CTNNA3: variants seen among roughly 807,000 people sequenced by gnomAD.
CTNNA3 encodes catenin alpha 3.
In CTNNA3, 76 loss-of-function variants were observed where a neutral mutation model predicts 95.7. The ratio of observed to expected loss-of-function variants is 0.79; its 90% CI spans 0.66 to 0.96. CTNNA3 has a LOEUF of 0.96. Ranked by LOEUF, CTNNA3 falls within the 40% of genes least tolerant of loss-of-function variation. The probability of loss-of-function intolerance (pLI) is 0.00; values close to 1 mark genes in which losing one functional copy is unlikely to be tolerated. For synonymous variants in CTNNA3, 431 were observed against 374.4 expected (o/e 1.15, Z -1.74); for missense variants, 1,191 against 1,089.8 (o/e 1.09, Z -1.31).
At chr10:66,600,371 C>T (rs531427333) in intron 10 of CTNNA3, among the ~76,000 whole-genome samples, 35 of 151,826 alleles carry the variant, frequency 2.3e-4, no homozygotes, top group Non-Finnish European at 3.7e-4. Context: ...CACTCATGTG[C>T]GTGTTCAAGG....
intron 12 of CTNNA3, among the ~76,000 whole-genome samples, chr10:66,287,671 GA>G (rs2091612914): frequency 6.6e-6 from 1 of 151,924 alleles, no homozygotes; most frequent in African/African-American, 2.4e-5. Flanking sequence ...GATACCAAAG[GA>G]AAAAACATAA....
intron 11 of CTNNA3, among the ~76,000 whole-genome samples, chr10:66,459,445 C>A (rs1224620208): frequency 2.0e-5 from 3 of 152,158 alleles, no homozygotes; most frequent in African/African-American, 7.2e-5. Context: ...AGATAGTAAT[C>A]TATGATGCTT....
chr10:66,297,302 C>T (rs1276969168), intron 12 of CTNNA3, among the ~76,000 whole-genome samples: 3 of 152,022 alleles, frequency 2.0e-5, no homozygotes, highest in African/African-American at 7.3e-5. Context: ...CTGGTTCCAT[C>T]CTTGCAAGCC....
At chr10:67,230,686 T>A (rs1425012771) in intron 5 of CTNNA3, among the ~76,000 whole-genome samples, 6 of 152,116 alleles carry the variant, frequency 3.9e-5, no homozygotes, top group Non-Finnish European at 8.8e-5. Flanking sequence ...GATAGCTGAA[T>A]AGGAACAGCT....
intron 11 of CTNNA3, among the ~76,000 whole-genome samples, chr10:66,508,197 TGTTTTGTTTTCTG>T (rs1840523475): frequency 6.8e-6 from 1 of 147,008 alleles, no homozygotes; most frequent in Non-Finnish European, 1.5e-5. Flanking sequence ...TTTTTTGTTT[TGTTTTGTTTTCTG>T]TTTTTTTTTT....
chr10:66,053,300 C>A (rs1028286845), intron 15 of CTNNA3, among the ~76,000 whole-genome samples: 1 of 151,834 alleles, frequency 6.6e-6, no homozygotes, highest in Admixed American at 6.6e-5. Context: ...AGTTAAATTT[C>A]TTTTCTTAGG....
chr10:66,330,636 G>T (rs1455867405), intron 12 of CTNNA3, among the ~76,000 whole-genome samples: 1 of 152,048 alleles, frequency 6.6e-6, no homozygotes, highest in Non-Finnish European at 1.5e-5. Context: ...GATTCCTGAG[G>T]AATCACCACG....
chr10:67,393,362 T>G (rs1160454903), intron 5 of CTNNA3, among the ~76,000 whole-genome samples: 1 of 152,174 alleles, frequency 6.6e-6, no homozygotes, highest in Non-Finnish European at 1.5e-5. Context: ...ATAGCATGGA[T>G]AATAGTATGG....
intron 12 of CTNNA3, among the ~76,000 whole-genome samples, chr10:66,337,442 A>C (rs539405138): frequency 5.5e-4 from 84 of 152,204 alleles, no homozygotes; most frequent in African/African-American, 1.9e-3. Flanking sequence ...AATCCTCCAC[A>C]GTGCTATGAG....
chr10:66,863,923 G>T (rs1844059877), intron 7 of CTNNA3, among the ~76,000 whole-genome samples: 2 of 152,088 alleles, frequency 1.3e-5, no homozygotes, highest in South Asian at 2.1e-4. Context: ...GTTTATCACA[G>T]AATTCAGTCA....
chr10:66,599,667 G>A (rs1415821294), intron 10 of CTNNA3, among the ~76,000 whole-genome samples: 5 of 151,598 alleles, frequency 3.3e-5, no homozygotes, highest in Admixed American at 2.6e-4. Context: ...TGACCTCAAA[G>A]TGTCTTAGGA....
chr10:65,934,462 C>G (rs1270708951), intron 17 of CTNNA3, among the ~76,000 whole-genome samples: 2 of 152,124 alleles, frequency 1.3e-5, no homozygotes, highest in African/African-American at 4.8e-5. Context: ...TTAAGCATGA[C>G]TAGTCCATTT....
At chr10:67,755,198 A>G (rs1841426338) in intron 1 of CTNNA3, among the ~76,000 whole-genome samples, 1 of 152,048 alleles carries the variant, frequency 6.6e-6, no homozygotes, top group African/African-American at 2.4e-5. Context: ...ATCTTTAAAA[A>G]AAAAAAAAGG....
At chr10:67,185,757 C>T (rs1589836886) in intron 6 of CTNNA3, among the ~76,000 whole-genome samples, 1 of 152,106 alleles carries the variant, frequency 6.6e-6, no homozygotes, top group Admixed American at 6.6e-5. Context: ...TGCAGTGGCT[C>T]ACACCTGTAA....
chr10:66,259,308 A>G (rs72799127), intron 13 of CTNNA3, among the ~76,000 whole-genome samples: 32 of 152,254 alleles, frequency 2.1e-4, no homozygotes, highest in Non-Finnish European at 3.1e-4. Context: ...ATCCCCTTTC[A>G]GCAGGAAGTA....
At chr10:66,789,630 T>C (rs1233491448) in intron 7 of CTNNA3, among the ~76,000 whole-genome samples, 2 of 152,190 alleles carry the variant, frequency 1.3e-5, no homozygotes, top group Non-Finnish European at 2.9e-5. Context: ...TTATATATAA[T>C]AACTTGTGGA....
At chr10:67,624,697 C>A (rs1843968034) in intron 2 of CTNNA3, among the ~76,000 whole-genome samples, 1 of 152,154 alleles carries the variant, frequency 6.6e-6, no homozygotes, top group African/African-American at 2.4e-5. Context: ...CCTCTAGAAG[C>A]TGCAGTCAAA....
chr10:67,544,360 A>C (rs571618582), intron 3 of CTNNA3, among the ~76,000 whole-genome samples: 1 of 152,128 alleles, frequency 6.6e-6, no homozygotes, highest in Non-Finnish European at 1.5e-5. Context: ...ACCAAAAAAA[A>C]CAGGATGAGC....
intron 11 of CTNNA3, among the ~76,000 whole-genome samples, chr10:66,497,701 A>T (rs1028602891): frequency 3.9e-5 from 6 of 152,140 alleles, no homozygotes; most frequent in Non-Finnish European, 8.8e-5. Flanking sequence ...TTGACTGCTG[A>T]TAGAAAAGCA....
Sources: allele counts gnomAD v4.1 joint callset (sites outside exome capture counted in the v4.1 genomes callset), GRCh38; gene constraint gnomAD v4.1.1; transcripts MANE v1.5; gene names NCBI Gene and HGNC (gene_info 2026-07-23, HGNC 2026-07-21).